Variants in PCDH15 observed in about 807,000 individuals in gnomAD.
PCDH15 encodes protocadherin-15.
A neutral mutation model predicts 178.5 loss-of-function variants in PCDH15; 129 were observed. The ratio of observed to expected loss-of-function variants is 0.72; its 90% CI spans 0.63 to 0.84. PCDH15 has a LOEUF of 0.84. Ranked by LOEUF, PCDH15 falls within the 40% of genes least tolerant of loss-of-function variation. PCDH15 has a pLI of 0.00. For missense variants in PCDH15, 2,230 were observed against 2,099.9 expected, an observed-to-expected ratio of 1.06 and a Z score of -1.21; for synonymous variants, 800 against 732.0, an observed-to-expected ratio of 1.09 and a Z score of -1.50.
chr10:54,582,364 A>G (rs1383774233), intron 2 of PCDH15, among the ~76,000 whole-genome samples: 1 of 152,132 alleles, frequency 6.6e-6, no homozygotes, highest in Non-Finnish European at 1.5e-5. Flanking sequence ...ATTGGATCGC[A>G]TGATAATTTC....
chr10:54,094,073 A>G (rs1001967489), intron 15 of PCDH15, among the ~76,000 whole-genome samples: 7 of 152,174 alleles, frequency 4.6e-5, no homozygotes, highest in African/African-American at 1.7e-4. Flanking sequence ...AGCTACCTGG[A>G]TTCAGCCTCA....
rs534458603 is a variant in PCDH15 at position 53,839,791 on chromosome 10, T to C, written c.3983+529A>G. 3.3e-5 allele frequency among the ~76,000 whole-genome samples: 5 copies of C among 152,308 alleles called. No individual in the cohort carries two copies. The South Asian group carries it at 1.0e-3, about 32-fold the overall frequency. On this transcript the variant is annotated intron_variant, in intron 29 of 37. Transcript: ENST00000644397. Reference sequence around the variant, plus strand: ...TTTTAGGATTTATAACTCAAATTTTTAAGTTCCTGCTAGGATGAAATTTCA... The same window carrying C: ...TTTTAGGATTTATAACTCAAATTTTCAAGTTCCTGCTAGGATGAAATTTCA...
intron 2 of PCDH15, among the ~76,000 whole-genome samples, chr10:55,057,643 C>G (rs11004710): frequency 6.6e-6 from 1 of 151,872 alleles, no homozygotes; most frequent in Non-Finnish European, 1.5e-5. Flanking sequence ...CTATTCTGAA[C>G]GCTAGAATCC....
At chr10:54,257,749 T>C (rs1400649892) in intron 8 of PCDH15, among the ~76,000 whole-genome samples, 3 of 152,114 alleles carry the variant, frequency 2.0e-5, no homozygotes, top group Non-Finnish European at 4.4e-5. Flanking sequence ...TGAGCTACAG[T>C]GTGATGTCAT....
chr10:54,720,978 A>G (rs374982152), intron 1 of PCDH15, among the ~76,000 whole-genome samples: 156 of 152,180 alleles, frequency 1.0e-3, no homozygotes, highest in African/African-American at 3.6e-3. Flanking sequence ...TAAACCGACC[A>G]TATGCTTAGC....
intron 35 of PCDH15, among the ~76,000 whole-genome samples, chr10:53,812,582 C>A (rs939151675): frequency 1.3e-5 from 2 of 152,044 alleles, no homozygotes; most frequent in African/African-American, 4.8e-5. Flanking sequence ...ATTTCCAGTT[C>A]TAAACTCTAA....
chr10:55,263,873 T>TA (rs1304907329), intron 1 of PCDH15, among the ~76,000 whole-genome samples: 2 of 152,146 alleles, frequency 1.3e-5, no homozygotes, highest in Admixed American at 6.5e-5. Flanking sequence ...TAGCTGGGAC[T>TA]ACAGGCACCT....
At chr10:53,988,909 A>T (rs2091285587) in intron 21 of PCDH15, among the ~76,000 whole-genome samples, 1 of 152,212 alleles carries the variant, frequency 6.6e-6, no homozygotes, top group African/African-American at 2.4e-5. Flanking sequence ...GAAAAGAAAA[A>T]AAACATGATT....
chr10:54,238,140 T>G (rs1234671478), intron 8 of PCDH15, among the ~76,000 whole-genome samples: 1 of 152,124 alleles, frequency 6.6e-6, no homozygotes, highest in Non-Finnish European at 1.5e-5. Context: ...AAACTTAAAC[T>G]ACTGTTTCCC....
chr10:55,084,012 T>C (rs1592341), intron 2 of PCDH15, among the ~76,000 whole-genome samples: 14,223 of 151,630 alleles, frequency 0.094, 2,003 homozygotes, highest in African/African-American at 0.31. Flanking sequence ...CAAAGCAATA[T>C]AAGATAATGT....
chr10:54,390,993 TATAATC>T (rs1439118353), intron 3 of PCDH15, among the ~76,000 whole-genome samples: 2 of 152,136 alleles, frequency 1.3e-5, no homozygotes, highest in Non-Finnish European at 2.9e-5. Context: ...CTGCAACACT[TATAATC>T]ATAAAAAGAT....
intron 2 of PCDH15, among the ~76,000 whole-genome samples, chr10:55,560,789 T>C (rs2132098576): frequency 6.6e-6 from 1 of 151,988 alleles, no homozygotes; most frequent in East Asian, 1.9e-4. Flanking sequence ...AATTAATATA[T>C]CCTTTTTAGC....
At chr10:55,093,704 AAAC>A (rs1272557665) in intron 2 of PCDH15, among the ~76,000 whole-genome samples, 6 of 152,116 alleles carry the variant, frequency 3.9e-5, no homozygotes, top group Non-Finnish European at 8.8e-5. Context: ...AGAAAAAATC[AAAC>A]AACCCCATCA....
At chr10:54,458,398 C>T (rs1011963611) in intron 3 of PCDH15, among the ~76,000 whole-genome samples, 4 of 152,068 alleles carry the variant, frequency 2.6e-5, no homozygotes, top group African/African-American at 7.2e-5. Context: ...TATATAAAGC[C>T]TTTCACAATT....
intron 1 of PCDH15, among the ~76,000 whole-genome samples, chr10:54,734,689 G>C (rs1943846656): frequency 6.6e-6 from 1 of 151,836 alleles, no homozygotes; most frequent in African/African-American, 2.4e-5. Flanking sequence ...ATGAGCTCTG[G>C]TAATCCATAC....
intron 1 of PCDH15, among the ~76,000 whole-genome samples, chr10:55,212,882 A>AT (rs1331104339): frequency 2.2e-4 from 34 of 152,160 alleles, no homozygotes; most frequent in East Asian, 3.9e-4. Context: ...CCTAAAATAA[A>AT]TTTTTTTACT....
At chr10:55,091,527 A>C (rs948321568) in intron 2 of PCDH15, among the ~76,000 whole-genome samples, 2 of 151,950 alleles carry the variant, frequency 1.3e-5, no homozygotes, top group African/African-American at 2.4e-5. Flanking sequence ...CATAACTTTC[A>C]AGAGTTAAAT....
chr10:54,847,149 C>T (rs1953531751), intron 3 of PCDH15, among the ~76,000 whole-genome samples: 1 of 152,120 alleles, frequency 6.6e-6, no homozygotes, highest in South Asian at 2.1e-4. Flanking sequence ...GTGAAAAATG[C>T]ATAGACTTTG....
chr10:55,046,660 A>T (rs986659557), intron 2 of PCDH15, among the ~76,000 whole-genome samples: 1 of 152,160 alleles, frequency 6.6e-6, no homozygotes, highest in Admixed American at 6.6e-5. Context: ...CACAGCACAT[A>T]AACTGAATCA....
Sources: allele counts gnomAD v4.1 joint callset (sites outside exome capture counted in the v4.1 genomes callset), GRCh38; gene constraint gnomAD v4.1.1; transcripts MANE v1.5; gene names NCBI Gene and HGNC (gene_info 2026-07-23, HGNC 2026-07-21).